Variants in SCCPDH observed in about 807,000 individuals in gnomAD.
SCCPDH encodes saccharopine dehydrogenase (putative), also known as saccharopine dehydrogenase-like oxidoreductase.
In SCCPDH, 34 loss-of-function variants were observed where a neutral mutation model predicts 51.5. The ratio of observed to expected loss-of-function variants is 0.66; its 90% CI spans 0.50 to 0.88. The LOEUF is 0.88. Among genes scored for constraint, SCCPDH ranks in the 40% least tolerant of loss-of-function variants. The pLI is 0.00. For synonymous variants in SCCPDH, 187 were observed against 191.3 expected, an observed-to-expected ratio of 0.98 and a Z score of 0.19; for missense variants, 464 against 527.1, an observed-to-expected ratio of 0.88 and a Z score of 1.17.
chr1:246,727,794 A>G (rs1668424706), intron 2 of SCCPDH, among the ~76,000 whole-genome samples: 1 of 152,186 alleles, frequency 6.6e-6, no homozygotes, highest in Non-Finnish European at 1.5e-5. Context: ...GACAGAGGCC[A>G]GTGTGGCTGG....
At chr1:246,725,025 C>G (rs371582851) in intron 1 of SCCPDH, among the ~76,000 whole-genome samples, 1 of 152,254 alleles carries the variant, frequency 6.6e-6, no homozygotes, top group African/African-American at 2.4e-5. Flanking sequence ...GCTTTGGTCT[C>G]TTGGAGATCG....
At chr1:246,756,999 T>C (rs1668940556) in intron 5 of SCCPDH, among the ~76,000 whole-genome samples, 1 of 152,036 alleles carries the variant, frequency 6.6e-6, no homozygotes, top group African/African-American at 2.4e-5. Flanking sequence ...ATAAATGAAG[T>C]TTATTCCTGT....
At chr1:246,760,435 T>C (rs1668995163) in intron 9 of SCCPDH, among the ~76,000 whole-genome samples, 1 of 152,186 alleles carries the variant, frequency 6.6e-6, no homozygotes, top group Non-Finnish European at 1.5e-5. Context: ...ACACAGAGGC[T>C]AAGAAACTTG....
intron 5 of SCCPDH, among the ~76,000 whole-genome samples, chr1:246,756,144 C>CT (rs1435827191): frequency 2.0e-5 from 3 of 152,176 alleles, no homozygotes; most frequent in Non-Finnish European, 4.4e-5. Context: ...AAAAGGCTAG[C>CT]TGCAATGTAG....
chr1:246,767,159 CT>C, intron 11 of SCCPDH, 35 bp from the exon 12 acceptor site: 1 of 1,450,236 alleles, frequency 6.9e-7, no homozygotes, highest in Non-Finnish European at 9.5e-7. Context: ...TGGAGAGGAG[CT>C]GAGTGCACTG....
intron 5 of SCCPDH, among the ~76,000 whole-genome samples, chr1:246,744,890 T>C (rs924815380): frequency 3.3e-5 from 5 of 152,172 alleles, no homozygotes; most frequent in African/African-American, 1.2e-4. Context: ...CCTCCCAAAG[T>C]GCTGGGATTA....
At chr1:246,765,957 A>C (rs1669081739) in intron 10 of SCCPDH, 101 bp from the exon 11 acceptor site, 5 of 749,140 alleles carry the variant, frequency 6.7e-6, no homozygotes, top group Non-Finnish European at 1.1e-5. Flanking sequence ...AAAAATCTGC[A>C]CACCTAGAGT....
chr1:246,728,115 G>T lies in SCCPDH; in HGVS notation c.303+1111G>T, dbSNP rs117724384. ...GCTTTTGCTGTTGTACTGTGAAAAA[G>T]TCATCAAGTCACAGGCCATCAGACT... On this transcript the variant is annotated intron_variant, in intron 2 of 11. Coordinates refer to ENST00000366510, the MANE Select transcript of SCCPDH (RefSeq NM_016002.3). Among the ~76,000 whole-genome samples the T allele has an allele frequency of 2.0e-5, 3 of 152,290 alleles. No individual in the cohort carries two copies. In the East Asian group the frequency reaches 5.8e-4, roughly 29 times the overall value.
chr1:246,767,374 T>C lies in SCCPDH; in HGVS notation c.*74T>C, dbSNP rs1298461758. On this transcript the variant is annotated 3_prime_UTR_variant, in exon 12 of 12. Coordinates refer to ENST00000366510, the MANE Select transcript of SCCPDH (RefSeq NM_016002.3). The stretch of plus-strand genomic sequence containing the variant: ...CTCTATTTGATATTTGAAATTCTTC[T>C]GTAAGCCTGTCTGAGTGTATGTGGA... 2 of 831,132 alleles carry C rather than the reference T, an allele frequency of 2.4e-6. No individual in the cohort carries two copies. The highest frequency in any genetic ancestry group is 3.5e-5 in the African/African-American group (2 of 56,928). The allele number at this position is 831,132 out of a possible 1,614,324, so 51.5% of individuals were successfully genotyped here. A position where few individuals can be genotyped will look rare whatever the true frequency, so the allele number is the denominator to read the frequency against.
intron 3 of SCCPDH, among the ~76,000 whole-genome samples, chr1:246,736,423 C>T (rs189509248): frequency 1.3e-5 from 2 of 152,270 alleles, no homozygotes; most frequent in South Asian, 2.1e-4. Context: ...ACCTTTAGGC[C>T]GGGCACGGTG....
rs1010467228 is a variant in SCCPDH at position 246,735,132 on chromosome 1, A to G, written c.304-843A>G. Among the ~76,000 whole-genome samples the G allele has an allele frequency of 3.9e-5, 6 of 152,216 alleles. 1 individual carries two copies. The highest frequency in any genetic ancestry group is 3.9e-4 in the Admixed American group (6 of 15,278). On this transcript the variant is annotated intron_variant, in intron 2 of 11. Transcript: ENST00000366510. The stretch of plus-strand genomic sequence containing the variant: ...ATATCGTCTGTGCTATAAGTCTTAT[A>G]CCACTATCCTGTTTAAAATTCTTCT...
intron 5 of SCCPDH, among the ~76,000 whole-genome samples, chr1:246,750,972 C>A (rs528496674): frequency 1.3e-5 from 2 of 152,208 alleles, no homozygotes; most frequent in Non-Finnish European, 2.9e-5. Context: ...CTGAGGACTG[C>A]GTCACACATG....
rs57851997 is a variant in SCCPDH, at chr1:246,761,646, A to G, written c.990+1419A>G. Among the ~76,000 whole-genome samples, 1,022 of 152,314 alleles carry G rather than the reference A, an allele frequency of 6.7e-3. 13 individuals carry two copies. The highest frequency in any genetic ancestry group is 0.024 in the African/African-American group (981 of 41,558). On this transcript the variant is annotated intron_variant, in intron 9 of 11. Coordinates refer to ENST00000366510, the MANE Select transcript of SCCPDH (RefSeq NM_016002.3). The stretch of plus-strand genomic sequence containing the variant: ...CCAAGTGCCTCATGTAAATGGAATC[A>G]GTCTTTGTCTTTTTGTGACTGGCTT...
chr1:246,729,046 C>T (rs1253007171), intron 2 of SCCPDH, among the ~76,000 whole-genome samples: 2 of 152,098 alleles, frequency 1.3e-5, no homozygotes, highest in African/African-American at 4.8e-5. Context: ...GCAAAACCAG[C>T]AAGTTTTTAT....
rs11538058 is a variant in SCCPDH, at chr1:246,740,279, A to G, written c.492A>G (p.Ile164Met). 1.3e-6 allele frequency: 2 copies of G among 1,599,692 alleles called. No homozygotes were observed. The highest frequency in any genetic ancestry group is 4.5e-5 in the East Asian group (2 of 44,670). ...FDSIPADLGV[I>M]YTRNKMNGTL... ...CCATTCCAGCAGATCTGGGAGTAAT[A>G]TATACCAGAAATAAAATGAATGGTA... is the stretch of plus-strand genomic sequence containing the variant. Residue 164 changes from isoleucine to methionine, a missense_variant, in exon 4 of 12, where the codon ATA (isoleucine) becomes ATG (methionine). Coordinates refer to ENST00000366510, the MANE Select transcript of SCCPDH (RefSeq NM_016002.3).
At chr1:246,761,949 C>A (rs1039796124) in intron 9 of SCCPDH, among the ~76,000 whole-genome samples, 2 of 152,176 alleles carry the variant, frequency 1.3e-5, no homozygotes, top group African/African-American at 4.8e-5. Flanking sequence ...GTATATTTAA[C>A]TTCTTGAGGA....
intron 5 of SCCPDH, among the ~76,000 whole-genome samples, chr1:246,745,402 A>G (rs1012955775): frequency 2.0e-5 from 3 of 152,276 alleles, no homozygotes; most frequent in Non-Finnish European, 4.4e-5. Flanking sequence ...ATGTAAATGA[A>G]TAAGATGCAA....
chr1:246,749,492 A>G (rs1480377978), intron 5 of SCCPDH, among the ~76,000 whole-genome samples: 1 of 152,166 alleles, frequency 6.6e-6, no homozygotes, highest in Non-Finnish European at 1.5e-5. Context: ...TCCTTCCCTG[A>G]GACTTCTCCT....
rs1668657662 is a variant in SCCPDH, at chr1:246,740,230, T to TC, written c.444dup (p.Ile149HisfsTer7). On this transcript the variant is annotated frameshift_variant, in exon 4 of 12. Coordinates refer to ENST00000366510, the MANE Select transcript of SCCPDH (RefSeq NM_016002.3). LOFTEE classifies it high-confidence loss of function. ...AAAGCTGCAGACAAAGGGGTTTATA[T>TC]CATTGGAAGCAGCGGCTTTGACTCC... 3 of 1,610,256 alleles carry TC rather than the reference T, an allele frequency of 1.9e-6. No individual in the cohort carries two copies. In the African/African-American group the frequency reaches 4.0e-5, roughly 22 times the overall value.
Sources: gnomAD v4.1 joint callset for allele counts (sites outside exome capture counted in the v4.1 genomes callset) on GRCh38, gnomAD v4.1.1 for gene constraint, MANE v1.5 for transcripts, NCBI Gene and HGNC (gene_info 2026-07-23, HGNC 2026-07-21) for gene names.